The following LILRB1 variants were observed in gnomAD, a reference collection of about 807,000 sequenced individuals.
The protein encoded by LILRB1 is leukocyte immunoglobulin like receptor B1, also known as leukocyte immunoglobulin-like receptor subfamily B member 1.
In LILRB1, 59 loss-of-function variants were observed where a neutral mutation model predicts 74.6. The observed-to-expected ratio is 0.79, with a 90% CI of 0.64 to 0.98. The LOEUF (loss-of-function observed/expected upper bound fraction) is 0.98, where lower values mean the gene tolerates loss of function less well. LILRB1 is among the 50% of genes least tolerant of loss of function. The pLI, the probability that LILRB1 is intolerant of heterozygous loss-of-function variation, is 0.00. For missense variants in LILRB1, 804 were observed against 822.6 expected, an observed-to-expected ratio of 0.98 and a Z score of 0.28; for synonymous variants, 328 against 333.9, an observed-to-expected ratio of 0.98 and a Z score of 0.19.
At chr19:54,616,792 G>A (rs960346250), upstream of LILRB1, among the ~76,000 whole-genome samples, 7 of 151,634 alleles carry the variant, frequency 4.6e-5, no homozygotes, top group African/African-American at 1.7e-4. Flanking sequence ...GAGAGACTGT[G>A]TTTCCTCAGC....
At position 54,633,959 on chromosome 19, in the gene LILRB1, G is replaced by A. The variant is rs762626389; in HGVS notation, c.1313-12G>A. 133 of 1,589,108 alleles carry A rather than the reference G, an allele frequency of 8.4e-5. No individual in the cohort carries two copies. In the Middle Eastern group the frequency reaches 1.9e-3, roughly 22 times the overall value. On this transcript the variant is annotated splice_polypyrimidine_tract_variant and intron_variant, in intron 8 of 14. Coordinates refer to ENST00000324602, the MANE Select transcript of LILRB1 (RefSeq NM_001081637.3). ...GGGCAGCCCCAGCCCTCACCTCCCC[G>A]TCCTGACCCAGCAGGCCCTGAGGAC...
chr19:54,632,839 G>C (rs2064014446), intron 6 of LILRB1, 79 bp downstream of exon 6: 1 of 1,586,140 alleles, frequency 6.3e-7, no homozygotes, highest in African/African-American at 1.3e-5. Context: ...GTGATGGCCG[G>C]GATGAGGGAT....
At position 54,632,128 on chromosome 19, in the gene LILRB1, G is replaced by A; in HGVS notation, c.552G>A (p.Val184=). 6.2e-7 allele frequency: 1 copy of A among 1,614,236 alleles called. No individual in the cohort carries two copies. The highest frequency in any genetic ancestry group is 2.2e-5 in the East Asian group (1 of 44,882). The change falls in exon 5 of 15, where the codon GTG becomes GTA. Residue 184 remains valine (V), a synonymous_variant. Coordinates refer to ENST00000324602, the MANE Select transcript of LILRB1 (RefSeq NM_001081637.3). The part of the protein sequence containing the change: ...ARGSSRAIFS[V]GPVSPSRRWW... ...GGTCGTCCCGCGCCATCTTCTCCGTGGGCCCCGTGAGCCCGAGTCGCAGGT... is the reference window on the plus strand; with the variant it reads ...GGTCGTCCCGCGCCATCTTCTCCGTAGGCCCCGTGAGCCCGAGTCGCAGGT...
In LILRB1 at chr19:54,631,373, G is replaced by T. The variant is rs558164581; in HGVS notation, c.70+67G>T. 25 of 1,613,174 alleles carry T rather than the reference G, an allele frequency of 1.5e-5. No homozygotes were observed. The Admixed American group carries it at 3.0e-4, about 19-fold the overall frequency. ...GGGGACAAGGGGCCACCCCCGTGCC[G>T]CTGGGGATGGGGAATAGCAGTTCTG... On this transcript the variant is annotated intron_variant, in intron 3 of 14. Transcript: ENST00000324602.
chr19:54,616,579 T>C (rs2063317951), upstream of LILRB1, among the ~76,000 whole-genome samples: 1 of 152,128 alleles, frequency 6.6e-6, no homozygotes, highest in African/African-American at 2.4e-5. Flanking sequence ...AGCCCCGACC[T>C]CCCTTTGGTT....
upstream of LILRB1, among the ~76,000 whole-genome samples, chr19:54,616,781 C>T (rs562484800): frequency 2.8e-4 from 42 of 151,638 alleles, no homozygotes; most frequent in African/African-American, 7.7e-4. Flanking sequence ...CATAGGGAAA[C>T]GAGAGACTGT....
upstream of LILRB1, among the ~76,000 whole-genome samples, chr19:54,629,981 G>C (rs1464344186): frequency 6.6e-6 from 1 of 152,032 alleles, no homozygotes; most frequent in Non-Finnish European, 1.5e-5. Flanking sequence ...TACGTAGACT[G>C]TGGAGTCCAA....
intron 9 of LILRB1, 21 bp from the exon 10 acceptor site, chr19:54,634,620 C>T (rs756589060): frequency 6.2e-7 from 1 of 1,604,162 alleles, no homozygotes; most frequent in Non-Finnish European, 8.5e-7. Flanking sequence ...CACCCCCATC[C>T]CTGACATCAT....
chr19:54,617,683 A>C (rs1042330711), intron 1 of LILRB1, among the ~76,000 whole-genome samples: 6 of 151,992 alleles, frequency 3.9e-5, no homozygotes, highest in African/African-American at 1.5e-4. Flanking sequence ...AACACACCAG[A>C]CTTCTTCCTC....
rs371963428 is a variant in LILRB1 at position 54,633,153 on chromosome 19, C to T, written c.1096C>T (p.Pro366Ser). The T allele has an allele frequency of 1.2e-5, 19 of 1,614,072 alleles. No individual in the cohort carries two copies. The highest frequency in any genetic ancestry group is 1.6e-4 in the Middle Eastern group (1 of 6,084). The change falls in exon 7 of 15, where the codon CCA becomes TCA. Residue 366 changes from proline (P) to serine (S), a missense_variant. Pro to Ser is a moderately conservative substitution (Grantham distance 74). Coordinates refer to ENST00000324602, the MANE Select transcript of LILRB1 (RefSeq NM_001081637.3). ...LLTKEGAADDPWRLRSTYQSQ... is the reference protein window; with the variant it reads ...LLTKEGAADDSWRLRSTYQSQ... ...GACCAAGGAGGGGGCAGCTGATGAC[C>T]CATGGCGTCTAAGATCAACGTACCA...
At chr19:54,629,200 A>G (rs569770031), upstream of LILRB1, among the ~76,000 whole-genome samples, 8 of 152,246 alleles carry the variant, frequency 5.3e-5, no homozygotes, top group African/African-American at 1.9e-4. Flanking sequence ...TGAACGGCAG[A>G]CTTTTCCTAT....
intron 1 of LILRB1, among the ~76,000 whole-genome samples, chr19:54,623,774 T>C (rs528682783): frequency 1.3e-5 from 2 of 152,336 alleles, no homozygotes; most frequent in Non-Finnish European, 2.9e-5. Flanking sequence ...TTACACTGAT[T>C]CCTTCTCTTC....
upstream of LILRB1, among the ~76,000 whole-genome samples, chr19:54,625,728 C>A (rs894304311): frequency 6.9e-6 from 1 of 145,208 alleles, no homozygotes; most frequent in African/African-American, 2.6e-5. Context: ...ACCCCTTCCC[C>A]GGGTTAGGGA....
At chr19:54,629,209 A>G (rs1374219105), upstream of LILRB1, among the ~76,000 whole-genome samples, 1 of 151,980 alleles carries the variant, frequency 6.6e-6, no homozygotes, top group African/African-American at 2.4e-5. Context: ...GACTTTTCCT[A>G]TATGCAGGCC....
rs955866600 is a variant in LILRB1, at chr19:54,634,375, G to A, written c.1364-266G>A. The A allele has an allele frequency of 2.1e-5, 33 of 1,538,792 alleles. No homozygotes were observed. The East Asian group carries it at 2.7e-4, about 13-fold the overall frequency. Reference sequence around the variant, plus strand: ...CTCTTTCCCTGCAGCTCCGGGGCTCGGCTCTGGTGCAGGAACAAGGGCTGC... The same window carrying A: ...CTCTTTCCCTGCAGCTCCGGGGCTCAGCTCTGGTGCAGGAACAAGGGCTGC... On this transcript the variant is annotated intron_variant, in intron 9 of 14. Transcript: ENST00000324602.
chr19:54,632,394 C>A, intron 5 of LILRB1, 70 bp from the exon 6 acceptor site: 1 of 1,551,532 alleles, frequency 6.4e-7, no homozygotes. Flanking sequence ...GATGTGGCCC[C>A]GGGGGAAAGG....
At chr19:54,620,381 G>A (rs1482048777) in intron 1 of LILRB1, among the ~76,000 whole-genome samples, 1 of 152,012 alleles carries the variant, frequency 6.6e-6, no homozygotes, top group East Asian at 1.9e-4. Context: ...TTGAGATGGA[G>A]TCTTGCTCTG....
At chr19:54,626,397 G>A (rs1227755780), upstream of LILRB1, among the ~76,000 whole-genome samples, 2 of 152,040 alleles carry the variant, frequency 1.3e-5, no homozygotes, top group Non-Finnish European at 2.9e-5. Flanking sequence ...CATTTTCTTT[G>A]CAATATTTAC....
rs1273512022 is a variant in LILRB1 at position 54,637,782 on chromosome 19, C to G, written c.*904C>G. Among the ~76,000 whole-genome samples the G allele has an allele frequency of 6.6e-6, 1 of 152,090 alleles. No individual in the cohort carries two copies. The highest frequency in any genetic ancestry group is 2.4e-5 in the African/African-American group (1 of 41,418). On this transcript the variant is annotated 3_prime_UTR_variant, in exon 15 of 15. Coordinates refer to ENST00000324602, the MANE Select transcript of LILRB1 (RefSeq NM_001081637.3). ...CATGCATTTCCATATGGGAGTGAGC[C>G]AGCAGACAGCCCTACAGATCGTACA...
Sources: gnomAD v4.1 joint callset for allele counts (sites outside exome capture counted in the v4.1 genomes callset) on GRCh38, gnomAD v4.1.1 for gene constraint, MANE v1.5 for transcripts, NCBI Gene and HGNC (gene_info 2026-07-23, HGNC 2026-07-21) for gene names.